Variants in AK8 observed in about 807,000 individuals in gnomAD.
AK8 encodes the protein adenylate kinase 8.
A neutral mutation model predicts 54.6 loss-of-function variants in AK8; 44 were observed. The observed-to-expected ratio is 0.81, with a 90% CI of 0.63 to 1.04. AK8 has a LOEUF of 1.04. AK8 is among the 50% of genes least tolerant of loss of function. The probability of loss-of-function intolerance (pLI) is 0.00; values close to 1 mark genes in which losing one functional copy is unlikely to be tolerated. For synonymous variants in AK8, 239 were observed against 245.6 expected (o/e 0.97, Z 0.25); for missense variants, 555 against 613.6 (o/e 0.90, Z 1.01).
At chr9:132,872,555 TC>T (rs1456737985) in intron 2 of AK8, among the ~76,000 whole-genome samples, 1 of 152,092 alleles carries the variant, frequency 6.6e-6, no homozygotes, top group African/African-American at 2.4e-5. Context: ...GGCCTCTCAC[TC>T]CTGGCCTCAA....
intron 5 of AK8, among the ~76,000 whole-genome samples, chr9:132,829,232 A>C (rs1182964655): frequency 6.6e-6 from 1 of 152,190 alleles, no homozygotes; most frequent in East Asian, 1.9e-4. Flanking sequence ...TGCTGGGATT[A>C]CAGGCGTGAG....
rs148310618 is a variant in AK8 at position 132,761,688 on chromosome 9, T to C, written c.1121+30946A>G. Among the ~76,000 whole-genome samples the C allele has an allele frequency of 8.1e-3, 1,234 of 152,338 alleles. 5 individuals carry two copies. Among genetic ancestry groups the C allele is most frequent in the Non-Finnish European group, 0.013 (888 of 68,032 alleles). On this transcript the variant is annotated intron_variant, in intron 11 of 12. Coordinates refer to ENST00000298545, the MANE Select transcript of AK8 (RefSeq NM_152572.3). ...TTTTTCCTATCCTTGTAATCTGTTA[T>C]ATTTATGTTACTATATTTATTATCA...
intron 2 of AK8, among the ~76,000 whole-genome samples, chr9:132,869,129 G>A (rs1016043738): frequency 6.6e-6 from 1 of 152,214 alleles, no homozygotes; most frequent in African/African-American, 2.4e-5. Context: ...GCAGTGAGCT[G>A]AGACTGCGCC....
intron 9 of AK8, among the ~76,000 whole-genome samples, chr9:132,818,278 G>C (rs1301528057): frequency 6.6e-6 from 1 of 152,222 alleles, no homozygotes; most frequent in Non-Finnish European, 1.5e-5. Context: ...ACCAAGGAGT[G>C]AAGAGTACTG....
chr9:132,865,507 T>G (rs1370311553), intron 3 of AK8, among the ~76,000 whole-genome samples: 2 of 152,216 alleles, frequency 1.3e-5, no homozygotes, highest in Non-Finnish European at 2.9e-5. Context: ...AATGAAATTT[T>G]AACACATTTT....
Position 132,792,659 on chromosome 9 carries a change from T to A in AK8, c.1096A>T (p.Asn366Tyr), listed in dbSNP as rs1298914876. ...CTGTTGGGATTGTAGCCCAGGCGGT[T>A]CAGCAGGTGTGCCTGGTCGAGGTCC... ...PRDLDQAHLLNRLGYNPNRVF... is the reference protein window; with the variant it reads ...PRDLDQAHLLYRLGYNPNRVF... The change falls in exon 11 of 13, where the codon AAC becomes TAC. Residue 366 changes from asparagine (N) to tyrosine (Y), a missense_variant. Transcript: ENST00000298545. 1 of 1,554,576 alleles carries A rather than the reference T, an allele frequency of 6.4e-7. No homozygotes were observed. Among genetic ancestry groups the A allele is most frequent in the Non-Finnish European group, 8.7e-7 (1 of 1,149,574 alleles).
chr9:132,821,834 T>C (rs1841658557), intron 9 of AK8, among the ~76,000 whole-genome samples: 1 of 109,010 alleles, frequency 9.2e-6, no homozygotes, highest in African/African-American at 3.6e-5. Flanking sequence ...TATACATATA[T>C]GTGTATGTAT....
chr9:132,826,287 C>T lies in AK8; in HGVS notation c.757+567G>A, dbSNP rs148308390. Among the ~76,000 whole-genome samples, 9 of 152,310 alleles carry T rather than the reference C, an allele frequency of 5.9e-5. No individual in the cohort carries two copies. Among genetic ancestry groups the T allele is most frequent in the African/African-American group, 2.2e-4 (9 of 41,580 alleles). The stretch of plus-strand genomic sequence containing the variant: ...GCTGAGATTTGAACAGGTTGCTCAG[C>T]TCAGCCATCCCCGCACCTCGCACAG... On this transcript the variant is annotated intron_variant, in intron 8 of 12. Transcript: ENST00000298545. This position sits in a 1 kb window ranked among gnomAD's most constrained non-coding sequence, Gnocchi z 4.5.
intron 5 of AK8, among the ~76,000 whole-genome samples, chr9:132,829,156 C>T (rs895699566): frequency 2.0e-5 from 3 of 152,116 alleles, no homozygotes; most frequent in African/African-American, 4.8e-5. Context: ...CAGAGTTTCA[C>T]CATGTTAGCC....
At chr9:132,832,816 T>G (rs558830258) in intron 5 of AK8, among the ~76,000 whole-genome samples, 5 of 152,254 alleles carry the variant, frequency 3.3e-5, no homozygotes, top group African/African-American at 1.2e-4. Flanking sequence ...ATGAGGAACA[T>G]CTCCCTAATT....
chr9:132,841,576 C>A (rs1371292127), intron 5 of AK8, among the ~76,000 whole-genome samples: 2 of 152,196 alleles, frequency 1.3e-5, no homozygotes, highest in Non-Finnish European at 2.9e-5. Context: ...TGAAGCCTGA[C>A]CTGCCAGTCA....
intron 1 of AK8, 65 bp from the exon 2 acceptor site, chr9:132,875,264 C>A (rs1844043252): frequency 1.3e-6 from 2 of 1,592,312 alleles, no homozygotes; most frequent in Non-Finnish European, 1.7e-6. Flanking sequence ...ACCACAGATA[C>A]CAGCTATGGG....
At chr9:132,847,990 C>T (rs1315796130) in intron 5 of AK8, among the ~76,000 whole-genome samples, 1 of 151,954 alleles carries the variant, frequency 6.6e-6, no homozygotes, top group Admixed American at 6.6e-5. Context: ...GTGGCATGTG[C>T]CTGTAGTCCC....
chr9:132,858,780 G>A (rs1357295826), intron 4 of AK8, among the ~76,000 whole-genome samples: 2 of 152,148 alleles, frequency 1.3e-5, no homozygotes, highest in Non-Finnish European at 2.9e-5. Context: ...GGAGGGTTGG[G>A]GGACCAGAGA....
chr9:132,863,804 C>A (rs1370455476), intron 3 of AK8, 26 bp from the exon 4 acceptor site: 1 of 1,532,040 alleles, frequency 6.5e-7, no homozygotes, highest in Admixed American at 1.7e-5. Context: ...AAGAAAAGGG[C>A]ATTTTCATAA....
intron 11 of AK8, among the ~76,000 whole-genome samples, chr9:132,749,916 C>T (rs1837825990): frequency 6.7e-6 from 1 of 149,700 alleles, no homozygotes; most frequent in African/African-American, 2.5e-5. Flanking sequence ...CACTTGCCAT[C>T]CTTTTATTTC....
At chr9:132,823,179 G>A in intron 9 of AK8, 26 bp downstream of exon 9, 1 of 1,523,176 alleles carries the variant, frequency 6.6e-7, no homozygotes. Context: ...CTCGAAGCTG[G>A]GCAGCCCAGC....
chr9:132,730,582 T>C (rs999927108), intron 11 of AK8, among the ~76,000 whole-genome samples: 2 of 152,066 alleles, frequency 1.3e-5, no homozygotes, highest in African/African-American at 2.4e-5. Flanking sequence ...GAGCCTTTGA[T>C]GGTGGATGCC....
intron 4 of AK8, among the ~76,000 whole-genome samples, chr9:132,859,600 C>T (rs1843306073): frequency 6.6e-6 from 1 of 151,130 alleles, no homozygotes; most frequent in Non-Finnish European, 1.5e-5. Context: ...TTCCCCCTCT[C>T]CCCCTTCTCC....
Sources: gnomAD v4.1 joint callset for allele counts (sites outside exome capture counted in the v4.1 genomes callset) on GRCh38, gnomAD v4.1.1 for gene constraint, Gnocchi (gnomAD v3.1) non-coding constraint, MANE v1.5 for transcripts, NCBI Gene and HGNC (gene_info 2026-07-23, HGNC 2026-07-21) for gene names.